Variants in FER observed in about 807,000 individuals in gnomAD.
FER encodes FER tyrosine kinase, also known as tyrosine-protein kinase Fer.
Under a neutral mutation model 111.0 loss-of-function variants are expected in FER, and 63 were observed. The observed-to-expected ratio is 0.57, with a 90% CI of 0.46 to 0.70. The LOEUF (loss-of-function observed/expected upper bound fraction) is 0.70. Ranked by LOEUF, FER falls within the 30% of genes least tolerant of loss-of-function variation. FER has a pLI of 0.00. For missense variants in FER, 914 were observed against 954.0 expected (o/e 0.96, Z 0.55); for synonymous variants, 327 against 313.9 (o/e 1.04, Z -0.44).
chr5:109,020,889 G>C (rs60144513), intron 13 of FER, among the ~76,000 whole-genome samples: 16 of 151,946 alleles, frequency 1.1e-4, no homozygotes, highest in African/African-American at 3.9e-4. Flanking sequence ...TTTTCTAAAT[G>C]GTCCTGTTTG....
At chr5:108,975,114 A>C (rs1761160814) in intron 13 of FER, among the ~76,000 whole-genome samples, 2 of 152,198 alleles carry the variant, frequency 1.3e-5, no homozygotes, top group Non-Finnish European at 2.9e-5. Context: ...GACATGGATG[A>C]AGCTGGAAAC....
At chr5:108,886,078 G>T (rs1201332618) in intron 9 of FER, among the ~76,000 whole-genome samples, 1 of 151,756 alleles carries the variant, frequency 6.6e-6, no homozygotes, top group South Asian at 2.1e-4. Context: ...AAATTTAGTG[G>T]ATATAAAGAA....
chr5:109,126,215 C>T lies in FER; in HGVS notation c.2048+25696C>T, dbSNP rs551654245. ...AGATAGCTGCTTAGGCACTTCCTTT[C>T]CCCCTTCCTTGCACCTGTTCATCTA... On this transcript the variant is annotated intron_variant, in intron 17 of 19. Coordinates refer to ENST00000281092, the MANE Select transcript of FER (RefSeq NM_005246.4). Among the ~76,000 whole-genome samples, 7 of 152,314 alleles carry T rather than the reference C, an allele frequency of 4.6e-5. No individual in the cohort carries two copies. The East Asian group carries it at 1.3e-3, about 29-fold the overall frequency.
intron 2 of FER, among the ~76,000 whole-genome samples, chr5:108,775,380 C>T (rs1424401209): frequency 6.6e-6 from 1 of 152,132 alleles, no homozygotes; most frequent in African/African-American, 2.4e-5. Context: ...AGATTTTATT[C>T]ATCTTTGTAT....
chr5:109,182,249 G>A (rs539563246), intron 18 of FER, among the ~76,000 whole-genome samples: 1 of 152,298 alleles, frequency 6.6e-6, no homozygotes, highest in Admixed American at 6.5e-5. Context: ...TCCAGATAAA[G>A]CTTTTGAATG....
intron 13 of FER, among the ~76,000 whole-genome samples, chr5:108,992,317 TCCCCACCTTTA>T (rs1333785208): frequency 6.6e-6 from 1 of 152,214 alleles, no homozygotes; most frequent in Non-Finnish European, 1.5e-5. Flanking sequence ...CTCAATCTTT[TCCCCACCTTTA>T]CCCCCTTTCT....
In FER at chr5:108,844,106, A is replaced by T. The variant is rs1056822309; in HGVS notation, c.481+8299A>T. On this transcript the variant is annotated intron_variant, in intron 5 of 19. Coordinates refer to ENST00000281092, the MANE Select transcript of FER (RefSeq NM_005246.4). ...TATGCGTGTGAACATATGTGTGTGA[A>T]CATGTGTGTGAACACATATATGTGT... Among the ~76,000 whole-genome samples the T allele has an allele frequency of 5.1e-5, 7 of 137,870 alleles. 1 individual carries two copies. Among genetic ancestry groups the T allele is most frequent in the African/African-American group, 2.1e-4 (7 of 33,922 alleles). The allele number at this position is 137,870 out of a possible 152,430, so 90.4% of individuals were successfully genotyped here.
intron 10 of FER, among the ~76,000 whole-genome samples, chr5:108,931,322 T>C (rs934254795): frequency 6.6e-6 from 1 of 151,374 alleles, no homozygotes; most frequent in Non-Finnish European, 1.5e-5. Context: ...TTTCCATGTA[T>C]TTTTTTTTCC....
intron 13 of FER, among the ~76,000 whole-genome samples, chr5:109,007,384 C>T (rs1381124659): frequency 2.6e-5 from 4 of 152,144 alleles, no homozygotes; most frequent in Non-Finnish European, 2.9e-5. Flanking sequence ...TAAGTTTAGA[C>T]AAATTCATAT....
At chr5:108,876,176 G>A (rs770237262) in intron 8 of FER, among the ~76,000 whole-genome samples, 1 of 152,134 alleles carries the variant, frequency 6.6e-6, no homozygotes, top group Non-Finnish European at 1.5e-5. Flanking sequence ...TGCAGCCCAC[G>A]AGGCTAAGAA....
intron 17 of FER, among the ~76,000 whole-genome samples, chr5:109,176,774 G>T (rs549421334): frequency 6.6e-4 from 101 of 152,178 alleles, no homozygotes; most frequent in African/African-American, 2.4e-3. Context: ...GAATAATAGG[G>T]GAAAGAAGTA....
intron 2 of FER, among the ~76,000 whole-genome samples, chr5:108,780,153 T>C (rs1216570306): frequency 6.6e-6 from 1 of 152,162 alleles, no homozygotes. Context: ...GAAAAACAAA[T>C]GTTCTTTAAA....
intron 13 of FER, among the ~76,000 whole-genome samples, chr5:109,014,062 G>A (rs1366293159): frequency 6.7e-6 from 1 of 150,288 alleles, no homozygotes; most frequent in African/African-American, 2.4e-5. Flanking sequence ...AGTTTCTTTT[G>A]CTGTGCAGAA....
At chr5:108,839,068 A>G (rs181147374) in intron 5 of FER, among the ~76,000 whole-genome samples, 25 of 152,318 alleles carry the variant, frequency 1.6e-4, no homozygotes, top group African/African-American at 5.8e-4. Flanking sequence ...ACAAAGAAGT[A>G]CAAAAGGTAG....
chr5:108,859,417 C>T (rs1475119873), intron 5 of FER, among the ~76,000 whole-genome samples: 1 of 152,140 alleles, frequency 6.6e-6, no homozygotes, highest in Non-Finnish European at 1.5e-5. Flanking sequence ...TAAAGGCTTG[C>T]TTTGGGAGGG....
At chr5:109,120,949 C>A (rs1750885401) in intron 17 of FER, among the ~76,000 whole-genome samples, 1 of 151,912 alleles carries the variant, frequency 6.6e-6, no homozygotes, top group Non-Finnish European at 1.5e-5. Flanking sequence ...GATTTTGTAT[C>A]CCATAACTTT....
At chr5:109,030,588 G>C (rs966288432) in intron 13 of FER, among the ~76,000 whole-genome samples, 1 of 152,134 alleles carries the variant, frequency 6.6e-6, no homozygotes, top group Non-Finnish European at 1.5e-5. Context: ...CTTCTAACTT[G>C]TTCATTTTAA....
At chr5:108,924,449 T>C (rs1753467444) in intron 10 of FER, among the ~76,000 whole-genome samples, 1 of 152,154 alleles carries the variant, frequency 6.6e-6, no homozygotes. Context: ...ATTTTCCGTT[T>C]GTTGCTCGAA....
At chr5:109,114,851 C>T (rs1488368284) in intron 17 of FER, among the ~76,000 whole-genome samples, 1 of 152,020 alleles carries the variant, frequency 6.6e-6, no homozygotes. Context: ...CATCAGCTTC[C>T]CCTCATTCTC....
Sources: gnomAD v4.1 joint callset for allele counts (sites outside exome capture counted in the v4.1 genomes callset) on GRCh38, gnomAD v4.1.1 for gene constraint, MANE v1.5 for transcripts, NCBI Gene and HGNC (gene_info 2026-07-23, HGNC 2026-07-21) for gene names.